The following ZNF805 variants were observed in gnomAD, a reference collection of about 807,000 sequenced individuals.
The protein encoded by ZNF805 is zinc finger protein 805.
Under a neutral mutation model 13.6 loss-of-function variants are expected in ZNF805, and 7 were observed. That is an observed-to-expected ratio of 0.51 (90% CI 0.29 to 0.97). ZNF805 has a LOEUF of 0.97. ZNF805 is among the 50% of genes least tolerant of loss of function. ZNF805 has a pLI of 0.08. For missense variants in ZNF805, 604 were observed against 771.0 expected (o/e 0.78, Z 2.57); for synonymous variants, 293 against 279.8 (o/e 1.05, Z -0.47).
At chr19:57,242,242 T>C (rs1156560784) in intron 1 of ZNF805, among the ~76,000 whole-genome samples, 2 of 152,252 alleles carry the variant, frequency 1.3e-5, no homozygotes, top group Admixed American at 6.5e-5. Context: ...TTACAGACAG[T>C]TGGCTGAGAA....
In ZNF805 at chr19:57,256,468, T is replaced by G. The variant is rs2087688018; in HGVS notation, c.*1765T>G. Reference sequence around the variant, plus strand: ...AAGAAGTGGGACCTGGAGATTTTCCTTTTGAATGCTTTTTAATTATGTATT... The same window carrying G: ...AAGAAGTGGGACCTGGAGATTTTCCGTTTGAATGCTTTTTAATTATGTATT... On this transcript the variant is annotated 3_prime_UTR_variant, in exon 4 of 4. Coordinates refer to ENST00000414468, the MANE Select transcript of ZNF805 (RefSeq NM_001023563.4). Among the ~76,000 whole-genome samples the G allele has an allele frequency of 6.6e-6, 1 of 152,166 alleles. No individual in the cohort carries two copies. The highest frequency in any genetic ancestry group is 2.1e-4 in the South Asian group (1 of 4,834).
Position 57,253,758 on chromosome 19 carries a change from A to C in ZNF805, c.939A>C (p.Lys313Asn). ...VLHNRSHTGE[K>N]PFVCKECGKA... Reference sequence around the variant, plus strand: ...ATAACAGGAGCCACACTGGAGAAAAACCCTTTGTGTGCAAAGAGTGTGGCA... The same window carrying C: ...ATAACAGGAGCCACACTGGAGAAAACCCCTTTGTGTGCAAAGAGTGTGGCA... The change falls in exon 4 of 4, where the codon AAA becomes AAC. Residue 313 changes from lysine to asparagine, a missense_variant. Transcript: ENST00000414468. The surrounding 1 kb of genome is among the most constrained non-coding windows in gnomAD (Gnocchi z 4.4). The C allele has an allele frequency of 6.2e-7, 1 of 1,613,238 alleles. No individual in the cohort carries two copies. The highest frequency in any genetic ancestry group is 8.5e-7 in the Non-Finnish European group (1 of 1,179,802).
Position 57,256,371 on chromosome 19 carries a change from C to G in ZNF805, c.*1668C>G, listed in dbSNP as rs1236268224. ...AACATGAATTGGAAGGAATTCTCTT[C>G]TGTTTTTTTGGAAGATCATGTGTAG... is the stretch of plus-strand genomic sequence containing the variant. On this transcript the variant is annotated 3_prime_UTR_variant, in exon 4 of 4. Coordinates refer to ENST00000414468, the MANE Select transcript of ZNF805 (RefSeq NM_001023563.4). Among the ~76,000 whole-genome samples, 1 of 152,204 alleles carries G rather than the reference C, an allele frequency of 6.6e-6. No individual in the cohort carries two copies. Among genetic ancestry groups the G allele is most frequent in the Middle Eastern group, 3.4e-3 (1 of 294 alleles).
chr19:57,257,336 C>T lies in ZNF805; in HGVS notation c.*2633C>T, dbSNP rs1485062991. On this transcript the variant is annotated 3_prime_UTR_variant, in exon 4 of 4. Transcript: ENST00000414468. ...TTCTGTCTAGTATTTCTATCAATTGCCAAGAGAAGGATGTTGAAGTCCTGA... is the reference window on the plus strand; with the variant it reads ...TTCTGTCTAGTATTTCTATCAATTGTCAAGAGAAGGATGTTGAAGTCCTGA... Among the ~76,000 whole-genome samples the T allele has an allele frequency of 6.6e-6, 1 of 152,036 alleles. No homozygotes were observed. Among genetic ancestry groups the T allele is most frequent in the East Asian group, 1.9e-4 (1 of 5,188 alleles).
rs2087693450 is a variant in ZNF805 at position 57,257,346 on chromosome 19, G to A, written c.*2643G>A. 6.6e-6 allele frequency among the ~76,000 whole-genome samples: 1 copy of A among 152,152 alleles called. No individual in the cohort carries two copies. The highest frequency in any genetic ancestry group is 1.5e-5 in the Non-Finnish European group (1 of 68,024). ...TATTTCTATCAATTGCCAAGAGAAGGATGTTGAAGTCCTGAGCTATAATTG... is the reference window on the plus strand; with the variant it reads ...TATTTCTATCAATTGCCAAGAGAAGAATGTTGAAGTCCTGAGCTATAATTG... On this transcript the variant is annotated 3_prime_UTR_variant, in exon 4 of 4. Transcript: ENST00000414468.
At position 57,253,815 on chromosome 19, in the gene ZNF805, A is replaced by C. The variant is rs757567245; in HGVS notation, c.996A>C (p.Arg332=). The change falls in exon 4 of 4, where the codon CGA becomes CGC. Residue 332 remains arginine, a synonymous_variant. Transcript: ENST00000414468. This position sits in a 1 kb window ranked among gnomAD's most constrained non-coding sequence, Gnocchi z 4.4. ...KAFRDRPGFI[R]HYIIHSGENP... is the part of the protein sequence containing the mutation. The stretch of plus-strand genomic sequence containing the variant: ...TTCGAGATAGGCCAGGTTTCATTCG[A>C]CACTACATCATCCACAGTGGTGAGA... The C allele has an allele frequency of 2.5e-6, 4 of 1,613,594 alleles. No individual in the cohort carries two copies. In the Admixed American group the frequency reaches 6.7e-5, roughly 27 times the overall value.
At chr19:57,246,774 C>CAAAAAAAAA in intron 2 of ZNF805, among the ~76,000 whole-genome samples, 1 of 86,250 alleles carries the variant, frequency 1.2e-5, no homozygotes, top group Non-Finnish European at 2.6e-5. Flanking sequence ...GACTTCGTCT[C>CAAAAAAAAA]AAAAAAAAAA....
chr19:57,250,289 A>G (rs1008896292), intron 3 of ZNF805, among the ~76,000 whole-genome samples: 9 of 152,096 alleles, frequency 5.9e-5, no homozygotes, highest in Admixed American at 1.3e-4. Flanking sequence ...CTGGAGTGCA[A>G]TGGCGCGATC....
chr19:57,254,901 A>C lies in ZNF805; in HGVS notation c.*198A>C. The C allele has an allele frequency of 1.7e-6, 1 of 579,792 alleles. No homozygotes were observed. Among genetic ancestry groups the C allele is most frequent in the Non-Finnish European group, 3.0e-6 (1 of 328,632 alleles). The allele number at this position is 579,792 out of a possible 1,614,324, so 35.9% of individuals were successfully genotyped here. ...TATCTCAGGAATTTTTATAAACAGA[A>C]AGAGGTGACATAGAAAAGAAAATGA... On this transcript the variant is annotated 3_prime_UTR_variant, in exon 4 of 4. Coordinates refer to ENST00000414468, the MANE Select transcript of ZNF805 (RefSeq NM_001023563.4).
Position 57,248,463 on chromosome 19 carries a change from T to A in ZNF805, c.158-142T>A, listed in dbSNP as rs1355432506. 8.4e-6 allele frequency: 6 copies of A among 715,286 alleles called. No homozygotes were observed. The East Asian group carries it at 1.6e-4, about 20-fold the overall frequency. The allele number at this position is 715,286 out of a possible 1,614,324, so 44.3% of individuals were successfully genotyped here. A position where few individuals can be genotyped will look rare whatever the true frequency, so the allele number is the denominator to read the frequency against. ...ACATGCCCTGCCCTTGGTTTCTAGA[T>A]CACGTGCTAACTTTTTGTTCCCATG... On this transcript the variant is annotated intron_variant, in intron 2 of 3. Transcript: ENST00000414468.
rs2087688732 is a variant in ZNF805, at chr19:57,256,612, A to G, written c.*1909A>G. Among the ~76,000 whole-genome samples the G allele has an allele frequency of 6.6e-6, 1 of 152,098 alleles. No homozygotes were observed. Among genetic ancestry groups the G allele is most frequent in the Non-Finnish European group, 1.5e-5 (1 of 67,976 alleles). ...GTTCTAATTTGTAGCATTCTTTGAAATATTTCCTTTTATCCTCTTGATGGC... is the reference window on the plus strand; with the variant it reads ...GTTCTAATTTGTAGCATTCTTTGAAGTATTTCCTTTTATCCTCTTGATGGC... On this transcript the variant is annotated 3_prime_UTR_variant, in exon 4 of 4. Transcript: ENST00000414468.
intron 3 of ZNF805, among the ~76,000 whole-genome samples, chr19:57,249,286 C>T (rs1258559457): frequency 6.6e-6 from 1 of 152,136 alleles, no homozygotes; most frequent in African/African-American, 2.4e-5. Flanking sequence ...TACTTGGGTC[C>T]ATGAGTCTAG....
Position 57,254,414 on chromosome 19 carries a change from T to C in ZNF805, c.1595T>C (p.Ile532Thr). 1 of 1,613,940 alleles carries C rather than the reference T, an allele frequency of 6.2e-7. No homozygotes were observed. The highest frequency in any genetic ancestry group is 8.5e-7 in the Non-Finnish European group (1 of 1,179,984). Residue 532 changes from isoleucine (I) to threonine (T), a missense_variant, in exon 4 of 4, where the codon ATC becomes ACC. Ile to Thr is a moderately conservative substitution (Grantham distance 89). Coordinates refer to ENST00000414468, the MANE Select transcript of ZNF805 (RefSeq NM_001023563.4). ...ACAAACCTCATTCGACACTCTATCA[T>C]CCACACTGGAGAGAAGCCGTATGAG... is the stretch of plus-strand genomic sequence containing the variant. ...WSTNLIRHSI[I>T]HTGEKPYECS...
Position 57,240,881 on chromosome 19 carries a change from A to G in ZNF805, c.-11A>G, listed in dbSNP as rs1385935835. 2 of 1,552,160 alleles carry G rather than the reference A, an allele frequency of 1.3e-6. No homozygotes were observed. Among genetic ancestry groups the G allele is most frequent in the Non-Finnish European group, 1.7e-6 (2 of 1,147,554 alleles). Reference sequence around the variant, plus strand: ...GCAGCCCCCGCCCCGCTAGGGCCACAGGGTCCCGGTATGGCGATGGCTTTG... The same window carrying G: ...GCAGCCCCCGCCCCGCTAGGGCCACGGGGTCCCGGTATGGCGATGGCTTTG... On this transcript the variant is annotated 5_prime_UTR_variant, in exon 1 of 4. Coordinates refer to ENST00000414468, the MANE Select transcript of ZNF805 (RefSeq NM_001023563.4).
Position 57,255,633 on chromosome 19 carries a change from A to C in ZNF805, c.*930A>C, listed in dbSNP as rs1168755970. On this transcript the variant is annotated 3_prime_UTR_variant, in exon 4 of 4. Coordinates refer to ENST00000414468, the MANE Select transcript of ZNF805 (RefSeq NM_001023563.4). ...AAATGGCATTGATATTTAAAGTTTC[A>C]ATATTCACATGATGTTGGCTAGTAT... Among the ~76,000 whole-genome samples, 1 of 152,170 alleles carries C rather than the reference A, an allele frequency of 6.6e-6. No homozygotes were observed. The highest frequency in any genetic ancestry group is 1.5e-5 in the Non-Finnish European group (1 of 67,992).
chr19:57,242,406 C>A (rs941952196), intron 1 of ZNF805, among the ~76,000 whole-genome samples: 2 of 152,220 alleles, frequency 1.3e-5, no homozygotes, highest in African/African-American at 4.8e-5. Flanking sequence ...ACCATGGTTC[C>A]CCCCATCCCC....
In ZNF805 at chr19:57,240,668, T is replaced by C; in HGVS notation, c.-224T>C. ...CGCCGGCTCTAGGGAGGGGGCGGTG[T>C]TCCGTGGCCGCCTCCCTGGCGGCGC... is the stretch of plus-strand genomic sequence containing the variant. On this transcript the variant is annotated 5_prime_UTR_variant, in exon 1 of 4. Coordinates refer to ENST00000414468, the MANE Select transcript of ZNF805 (RefSeq NM_001023563.4). The C allele has an allele frequency of 1.9e-6, 1 of 513,438 alleles. No individual in the cohort carries two copies. The highest frequency in any genetic ancestry group is 3.5e-6 in the Non-Finnish European group (1 of 288,148). The allele number at this position is 513,438 out of a possible 1,614,324, so 31.8% of individuals were successfully genotyped here.
intron 2 of ZNF805, among the ~76,000 whole-genome samples, chr19:57,245,602 A>G (rs1380536378): frequency 3.4e-5 from 5 of 148,384 alleles, no homozygotes; most frequent in Middle Eastern, 3.4e-3. Flanking sequence ...ACACGGTGCA[A>G]CCCTGTCTCT....
In ZNF805 at chr19:57,261,067, T is replaced by C. The variant is rs2087721058; in HGVS notation, c.*6364T>C. Among the ~76,000 whole-genome samples the C allele has an allele frequency of 6.6e-6, 1 of 152,256 alleles. No individual in the cohort carries two copies. The highest frequency in any genetic ancestry group is 1.9e-4 in the East Asian group (1 of 5,196). On this transcript the variant is annotated 3_prime_UTR_variant, in exon 4 of 4. Transcript: ENST00000414468. ...TTTGGGTTTGGGGACTGGAAGCCAC[T>C]GCACTGGCTTCAGAATCCATGTCCT...
Sources: gnomAD v4.1 joint callset for allele counts (sites outside exome capture counted in the v4.1 genomes callset) on GRCh38, gnomAD v4.1.1 for gene constraint, Gnocchi (gnomAD v3.1) non-coding constraint, MANE v1.5 for transcripts, NCBI Gene and HGNC (gene_info 2026-07-23, HGNC 2026-07-21) for gene names.